The following ZNF821 variants were observed in gnomAD, a reference collection of about 807,000 sequenced individuals.
The protein encoded by ZNF821 is zinc finger protein 821.
ZNF821 carries 16 observed loss-of-function variants against 44.3 expected under a neutral mutation model. The ratio of observed to expected loss-of-function variants is 0.36; its 90% CI spans 0.24 to 0.55. The LOEUF is 0.55. Among genes scored for constraint, ZNF821 ranks in the 20% least tolerant of loss-of-function variants. The probability of loss-of-function intolerance (pLI) is 0.86; values close to 1 mark genes in which losing one functional copy is unlikely to be tolerated. For missense variants in ZNF821, 436 were observed against 547.6 expected (o/e 0.80, Z 2.03); for synonymous variants, 204 against 197.6 (o/e 1.03, Z -0.27).
At chr16:71,877,266 T>G (rs994605136) in intron 3 of ZNF821, among the ~76,000 whole-genome samples, 1 of 152,088 alleles carries the variant, frequency 6.6e-6, no homozygotes. Context: ...TTTTGGTTTT[T>G]GTTTGTTTGT....
At chr16:71,880,447 A>T (rs1263260449) in intron 2 of ZNF821, 1 of 152,574 alleles carries the variant, frequency 6.6e-6, no homozygotes, top group Admixed American at 6.5e-5. Context: ...CTGGAAGTCA[A>T]GCCCTGCAGT....
chr16:71,893,029 C>CTT (rs1199482590), intron 1 of ZNF821, among the ~76,000 whole-genome samples: 8,691 of 65,756 alleles, frequency 0.13, 1,313 homozygotes, highest in Non-Finnish European at 0.17. Flanking sequence ...CCCTGCCTGG[C>CTT]TTTTTTTTTT....
intron 1 of ZNF821, among the ~76,000 whole-genome samples, chr16:71,893,464 C>CTT (rs763296785): frequency 3.5e-5 from 5 of 141,324 alleles, no homozygotes; most frequent in East Asian, 2.1e-4. Context: ...GCCTGGCCCA[C>CTT]TTTTTTTTTT....
At chr16:71,889,104 C>T (rs2036872559), upstream of ZNF821, among the ~76,000 whole-genome samples, 1 of 151,992 alleles carries the variant, frequency 6.6e-6, no homozygotes, top group Non-Finnish European at 1.5e-5. Flanking sequence ...TAAAAATTAG[C>T]CAGGCATGGT....
intron 6 of ZNF821, among the ~76,000 whole-genome samples, chr16:71,863,341 T>C (rs1981874): frequency 0.8 from 120,622 of 150,930 alleles, 48,577 homozygotes; most frequent in East Asian, 0.98. Context: ...AAACCCAGAA[T>C]GTGTTTATCT....
chr16:71,885,692 T>C (rs2036824522), upstream of ZNF821, among the ~76,000 whole-genome samples: 3 of 152,226 alleles, frequency 2.0e-5, no homozygotes, highest in Non-Finnish European at 2.9e-5. Context: ...ATGATTACAT[T>C]GAGGGATCTT....
At chr16:71,862,074 G>T in intron 6 of ZNF821, 132 bp from the exon 7 acceptor site, 2 of 1,083,144 alleles carry the variant, frequency 1.8e-6, no homozygotes, top group Non-Finnish European at 2.6e-6. Context: ...ATTCTGTTTA[G>T]CCCCTAGAAA....
chr16:71,867,165 CTTGT>C (rs1285007293), intron 4 of ZNF821, among the ~76,000 whole-genome samples: 3 of 152,192 alleles, frequency 2.0e-5, no homozygotes, highest in African/African-American at 7.2e-5. Context: ...AGCAAATCTT[CTTGT>C]TTAACATTAA....
intron 3 of ZNF821, among the ~76,000 whole-genome samples, chr16:71,875,982 G>A (rs765025053): frequency 1.3e-5 from 2 of 152,150 alleles, no homozygotes; most frequent in Non-Finnish European, 2.9e-5. Context: ...TATATGCTAC[G>A]TGGGCATAGA....
chr16:71,861,635 A>G (rs2033908620), intron 7 of ZNF821, 141 bp downstream of exon 7: 1 of 922,688 alleles, frequency 1.1e-6, no homozygotes, highest in East Asian at 2.6e-5. Flanking sequence ...CATATTTCCT[A>G]GCCTTCTTAC....
chr16:71,877,459 C>T (rs898843154), intron 3 of ZNF821, among the ~76,000 whole-genome samples: 73 of 152,104 alleles, frequency 4.8e-4, no homozygotes, highest in African/African-American at 1.6e-3. Flanking sequence ...GGGGTTTTGC[C>T]ATGTTGCTCA....
intron 7 of ZNF821, among the ~76,000 whole-genome samples, chr16:71,861,379 C>T (rs1451505586): frequency 1.3e-5 from 2 of 152,242 alleles, no homozygotes; most frequent in Non-Finnish European, 2.9e-5. Context: ...CTCACACTAC[C>T]TGCATGCAAA....
chr16:71,883,297 A>C (rs770574949), intron 1 of ZNF821, 24 bp from the exon 2 acceptor site: 3 of 435,428 alleles, frequency 6.9e-6, no homozygotes, highest in Admixed American at 4.9e-5. Flanking sequence ...GAGGACAAGA[A>C]AGCTGGTCAC....
intron 4 of ZNF821, among the ~76,000 whole-genome samples, chr16:71,866,602 C>G (rs1476386062): frequency 6.6e-6 from 1 of 152,142 alleles, no homozygotes; most frequent in Non-Finnish European, 1.5e-5. Flanking sequence ...CCAAATATAT[C>G]TCGCTACTAG....
At chr16:71,879,315 TCTCCCTGC>T (rs966289447) in intron 3 of ZNF821, among the ~76,000 whole-genome samples, 7 of 152,162 alleles carry the variant, frequency 4.6e-5, no homozygotes, top group African/African-American at 1.4e-4. Flanking sequence ...TGATGTTCCC[TCTCCCTGC>T]CTCTTGTTTT....
chr16:71,868,417 G>A (rs2034795643), intron 3 of ZNF821, among the ~76,000 whole-genome samples: 1 of 152,114 alleles, frequency 6.6e-6, no homozygotes, highest in Non-Finnish European at 1.5e-5. Context: ...AACAAATCTG[G>A]GCCAAGTCTC....
At chr16:71,862,899 A>G (rs776374871) in intron 6 of ZNF821, among the ~76,000 whole-genome samples, 4 of 151,834 alleles carry the variant, frequency 2.6e-5, no homozygotes, top group Non-Finnish European at 5.9e-5. Context: ...TGTGTTAACT[A>G]ATTTTTTTTT....
upstream of ZNF821, among the ~76,000 whole-genome samples, chr16:71,889,392 G>A (rs759636087): frequency 5.9e-5 from 9 of 151,946 alleles, no homozygotes; most frequent in Non-Finnish European, 1.2e-4. Flanking sequence ...GACAATAGCC[G>A]GGTGCGGTGG....
upstream of ZNF821, among the ~76,000 whole-genome samples, chr16:71,886,518 C>A (rs897050437): frequency 6.6e-6 from 1 of 152,096 alleles, no homozygotes; most frequent in African/African-American, 2.4e-5. Flanking sequence ...ATCATTTTGC[C>A]ACTTCAACTA....
Sources: allele counts gnomAD v4.1 joint callset (sites outside exome capture counted in the v4.1 genomes callset), GRCh38; gene constraint gnomAD v4.1.1; transcripts MANE v1.5; gene names NCBI Gene and HGNC (gene_info 2026-07-23, HGNC 2026-07-21).